The following ZFHX3 variants were observed in gnomAD, a reference collection of about 807,000 sequenced individuals.
ZFHX3 encodes zinc finger homeobox 3, also known as zinc finger homeobox protein 3.
A neutral mutation model predicts 279.1 loss-of-function variants in ZFHX3; 42 were observed. That is an observed-to-expected ratio of 0.15 (90% CI 0.12 to 0.19). The LOEUF is 0.19. Ranked by LOEUF, ZFHX3 falls within the 10% of genes least tolerant of loss-of-function variation. The pLI is 1.00. For missense variants in ZFHX3, 4,981 were observed against 4,754.0 expected (o/e 1.05, Z -1.40); for synonymous variants, 2,293 against 1,957.8 (o/e 1.17, Z -4.52).
intron 1 of ZFHX3, among the ~76,000 whole-genome samples, chr16:73,016,628 T>C (rs1964111892): frequency 6.6e-6 from 1 of 152,156 alleles, no homozygotes; most frequent in Non-Finnish European, 1.5e-5. Flanking sequence ...CTGTCTTCCT[T>C]AGATGTCACC....
chr16:73,724,286 G>A (rs1030528114), intron 1 of ZFHX3, among the ~76,000 whole-genome samples: 8 of 152,182 alleles, frequency 5.3e-5, no homozygotes, highest in African/African-American at 1.7e-4. Flanking sequence ...TTCTAATTTG[G>A]AGACTACTAA....
intron 5 of ZFHX3, among the ~76,000 whole-genome samples, chr16:73,146,152 G>A (rs185996197): frequency 1.3e-4 from 20 of 152,272 alleles, no homozygotes; most frequent in African/African-American, 3.4e-4. Flanking sequence ...GATCTGGGCC[G>A]GGTGCGGTGA....
chr16:72,787,694 A>AGCCGAC lies in ZFHX3; in HGVS notation c.10581_10582insGTCGGC (p.Gly3527_Ser3528insValGly). On this transcript the variant is annotated inframe_insertion, in exon 10 of 10. Coordinates refer to ENST00000268489, the MANE Select transcript of ZFHX3 (RefSeq NM_006885.4). ...CTCTCGCACGCCAGGCAGTGGTACG[A>AGCCGAC]GCCGCCGCCGCCGCCGCCGCCGCCA... 7.0e-7 allele frequency: 1 copy of AGCCGAC among 1,420,646 alleles called. No individual in the cohort carries two copies. Among genetic ancestry groups the AGCCGAC allele is most frequent in the East Asian group, 2.9e-5 (1 of 34,406 alleles). The allele number at this position is 1,420,646 out of a possible 1,614,324, so 88.0% of individuals were successfully genotyped here. A position where few individuals can be genotyped will look rare whatever the true frequency, so the allele number is the denominator to read the frequency against.
At position 72,796,265 on chromosome 16, in the gene ZFHX3, G is replaced by A. The variant is rs767191418; in HGVS notation, c.6417C>T (p.Thr2139=). 3.1e-6 allele frequency: 5 copies of A among 1,614,106 alleles called. No individual in the cohort carries two copies. In the South Asian group the frequency reaches 4.4e-5, roughly 14 times the overall value. ...AQLYQHQLNP[T]LLQQQNKRPR... is the part of the protein sequence containing the mutation. ...GCCTCTTGTTCTGCTGCTGGAGCAGGGTTGGATTGAGCTGATGCTGGTAGA... is the reference window on the plus strand; with the variant it reads ...GCCTCTTGTTCTGCTGCTGGAGCAGAGTTGGATTGAGCTGATGCTGGTAGA... Residue 2139 remains threonine (T), a synonymous_variant, in exon 9 of 10, where the codon ACC becomes ACT. Transcript: ENST00000268489.
At chr16:73,788,676 T>C (rs1959732249) in intron 1 of ZFHX3, among the ~76,000 whole-genome samples, 1 of 151,714 alleles carries the variant, frequency 6.6e-6, no homozygotes, top group Admixed American at 6.6e-5. Context: ...CACCTCAGTT[T>C]CTCTATCTAC....
intron 5 of ZFHX3, among the ~76,000 whole-genome samples, chr16:73,187,144 T>TCACACACACACACACACACACA (rs71156147): frequency 6.8e-6 from 1 of 146,986 alleles, no homozygotes; most frequent in Admixed American, 6.7e-5. Flanking sequence ...GTTGTATGTC[T>TCACACACACACACACACACACA]CACACACACA....
At chr16:73,215,004 T>A (rs1283049334) in intron 5 of ZFHX3, among the ~76,000 whole-genome samples, 1 of 152,108 alleles carries the variant, frequency 6.6e-6, no homozygotes, top group African/African-American at 2.4e-5. Flanking sequence ...GGAACTGCAA[T>A]GCTTTCTGTA....
chr16:73,845,010 G>C (rs1961411295), intron 1 of ZFHX3, among the ~76,000 whole-genome samples: 1 of 152,042 alleles, frequency 6.6e-6, no homozygotes, highest in African/African-American at 2.4e-5. Flanking sequence ...CCCAAAATGA[G>C]GGCTAAAGAA....
intron 4 of ZFHX3, among the ~76,000 whole-genome samples, chr16:73,295,373 T>G (rs1171683687): frequency 6.6e-6 from 1 of 152,254 alleles, no homozygotes; most frequent in African/African-American, 2.4e-5. Context: ...AAAACGAAAC[T>G]TGGTAGTGGC....
intron 8 of ZFHX3, among the ~76,000 whole-genome samples, chr16:73,091,354 G>T (rs1966079104): frequency 6.6e-6 from 1 of 152,192 alleles, no homozygotes; most frequent in Non-Finnish European, 1.5e-5. Flanking sequence ...CAAAGGAGTT[G>T]GCAATGGCTT....
intron 3 of ZFHX3, among the ~76,000 whole-genome samples, chr16:73,340,656 G>A (rs993006694): frequency 1.7e-4 from 26 of 152,300 alleles, no homozygotes; most frequent in African/African-American, 4.6e-4. Flanking sequence ...GATTATAGGC[G>A]TGAGCCACCG....
chr16:73,714,226 C>T (rs1383454503), intron 1 of ZFHX3, among the ~76,000 whole-genome samples: 1 of 152,152 alleles, frequency 6.6e-6, no homozygotes, highest in Non-Finnish European at 1.5e-5. Context: ...CAGTTGGATA[C>T]ATTAGGATCC....
chr16:73,308,561 C>G (rs771143956), intron 4 of ZFHX3, among the ~76,000 whole-genome samples: 27 of 151,944 alleles, frequency 1.8e-4, no homozygotes, highest in Non-Finnish European at 3.1e-4. Flanking sequence ...CCCACCTTGG[C>G]CTCCCAAAGT....
chr16:73,178,294 C>G (rs1023740168), intron 5 of ZFHX3, among the ~76,000 whole-genome samples: 8 of 152,054 alleles, frequency 5.3e-5, no homozygotes, highest in Admixed American at 5.2e-4. Flanking sequence ...CCCGCCACAA[C>G]ACCCAGCTAT....
At chr16:73,111,225 G>A (rs1966369489) in intron 7 of ZFHX3, among the ~76,000 whole-genome samples, 2 of 152,220 alleles carry the variant, frequency 1.3e-5, no homozygotes, top group East Asian at 3.9e-4. Context: ...ACAGGCGTGA[G>A]CCACTGCACC....
chr16:73,514,637 A>G (rs2019489345), intron 2 of ZFHX3, among the ~76,000 whole-genome samples: 1 of 152,214 alleles, frequency 6.6e-6, no homozygotes, highest in African/African-American at 2.4e-5. Context: ...GATACGTGTT[A>G]TTATTCATCT....
chr16:73,157,224 G>C (rs1276623656), intron 5 of ZFHX3, among the ~76,000 whole-genome samples: 2 of 152,216 alleles, frequency 1.3e-5, no homozygotes, highest in South Asian at 2.1e-4. Flanking sequence ...GTACAGAGTA[G>C]CTCCAGGTAT....
chr16:73,274,988 T>G (rs1269940236), intron 4 of ZFHX3, among the ~76,000 whole-genome samples: 1 of 152,220 alleles, frequency 6.6e-6, no homozygotes, highest in Non-Finnish European at 1.5e-5. Flanking sequence ...TCTGTAATTT[T>G]TTTTTCTGTT....
intron 3 of ZFHX3, among the ~76,000 whole-genome samples, chr16:73,353,591 G>A (rs2016286098): frequency 6.6e-6 from 1 of 152,210 alleles, no homozygotes; most frequent in Non-Finnish European, 1.5e-5. Context: ...GCATGGCTGA[G>A]ATCACAGATT....
Sources: allele counts gnomAD v4.1 joint callset (sites outside exome capture counted in the v4.1 genomes callset), GRCh38; gene constraint gnomAD v4.1.1; transcripts MANE v1.5; gene names NCBI Gene and HGNC (gene_info 2026-07-23, HGNC 2026-07-21).